Variants in WWOX observed in about 807,000 individuals in gnomAD.
WWOX encodes WW domain-containing oxidoreductase.
Under a neutral mutation model 46.2 loss-of-function variants are expected in WWOX, and 69 were observed. The observed-to-expected ratio is 1.49, with a 90% CI of 1.23 to 1.82. WWOX has a LOEUF of 1.82. Ranked by LOEUF, WWOX falls within the 40% of genes most tolerant of loss-of-function variation. The pLI, the probability that WWOX is intolerant of heterozygous loss-of-function variation, is 0.00. For missense variants in WWOX, 919 were observed against 542.6 expected, an observed-to-expected ratio of 1.69 and a Z score of -6.89; for synonymous variants, 359 against 202.6, an observed-to-expected ratio of 1.77 and a Z score of -6.56.
intron 8 of WWOX, among the ~76,000 whole-genome samples, chr16:78,702,547 C>T (rs974016895): frequency 2.7e-5 from 4 of 150,452 alleles, no homozygotes; most frequent in Non-Finnish European, 4.4e-5. Context: ...AATGCTTGCT[C>T]GGGAGGCTGA....
In WWOX at chr16:78,114,878, T is replaced by A. The variant is rs530976091; in HGVS notation, c.231-98T>A. ...CAGGTTTAAGGAATAAGCATTTTGG[T>A]CTATGAAAAATGGGGTTTTCCTAAA... On this transcript the variant is annotated intron_variant, in intron 3 of 8. Transcript: ENST00000566780. The A allele has an allele frequency of 1.2e-4, 176 of 1,491,676 alleles. 1 individual carries two copies. In the African/African-American group the frequency reaches 2.2e-3, roughly 19 times the overall value. The allele number at this position is 1,491,676 out of a possible 1,614,324, so 92.4% of individuals were successfully genotyped here. A position where few individuals can be genotyped will look rare whatever the true frequency, so the allele number is the denominator to read the frequency against.
intron 8 of WWOX, among the ~76,000 whole-genome samples, chr16:78,575,957 TA>T (rs1439168214): frequency 6.6e-6 from 1 of 151,304 alleles, no homozygotes; most frequent in Non-Finnish European, 1.5e-5. Flanking sequence ...CCCTGTGGAG[TA>T]AAATGCAAAC....
intron 5 of WWOX, among the ~76,000 whole-genome samples, chr16:78,332,175 C>T (rs973322156): frequency 1.3e-5 from 2 of 152,108 alleles, no homozygotes; most frequent in East Asian, 1.9e-4. Flanking sequence ...TCTTTCCCCA[C>T]CCCAAGCCTT....
chr16:78,841,649 T>G (rs796960541), intron 8 of WWOX, among the ~76,000 whole-genome samples: 1 of 152,250 alleles, frequency 6.6e-6, no homozygotes, highest in African/African-American at 2.4e-5. Context: ...TTTTGTCTTA[T>G]GTTTCTTGAA....
At chr16:78,943,612 C>T (rs1247321543) in intron 8 of WWOX, among the ~76,000 whole-genome samples, 1 of 152,158 alleles carries the variant, frequency 6.6e-6, no homozygotes, top group African/African-American at 2.4e-5. Context: ...GCGATGGCTC[C>T]ACTCTGTGTG....
At chr16:78,600,336 G>T (rs1016703854) in intron 8 of WWOX, among the ~76,000 whole-genome samples, 1 of 152,066 alleles carries the variant, frequency 6.6e-6, no homozygotes, top group South Asian at 2.1e-4. Context: ...ACCAAGTAGA[G>T]ACTCAGCATA....
At chr16:79,181,932 C>T (rs140546540) in intron 8 of WWOX, among the ~76,000 whole-genome samples, 12 of 152,328 alleles carry the variant, frequency 7.9e-5, no homozygotes, top group African/African-American at 2.2e-4. Context: ...ATTTTACAAA[C>T]ATCATTCGTT....
rs1158340772 is a variant in WWOX at position 78,172,622 on chromosome 16, A to G, written c.516+8333A>G. 2.7e-5 allele frequency among the ~76,000 whole-genome samples: 4 copies of G among 148,580 alleles called. No individual in the cohort carries two copies. In the East Asian group the frequency reaches 7.9e-4, roughly 29 times the overall value. On this transcript the variant is annotated intron_variant, in intron 5 of 8. Coordinates refer to ENST00000566780, the MANE Select transcript of WWOX (RefSeq NM_016373.4). ...TTTTTTTTTCCTGGCCACCGCTCGCAGTCTTGAACCGAATCTTTCAAACTT... is the reference window on the plus strand; with the variant it reads ...TTTTTTTTTCCTGGCCACCGCTCGCGGTCTTGAACCGAATCTTTCAAACTT...
At chr16:78,427,304 C>G (rs1335550965) in intron 7 of WWOX, among the ~76,000 whole-genome samples, 3 of 152,210 alleles carry the variant, frequency 2.0e-5, no homozygotes, top group African/African-American at 7.2e-5. Flanking sequence ...TGTGTCTTCA[C>G]TGTGTTTTAG....
At chr16:79,095,808 CT>C (rs2049056006) in intron 8 of WWOX, among the ~76,000 whole-genome samples, 1 of 151,670 alleles carries the variant, frequency 6.6e-6, no homozygotes, top group Non-Finnish European at 1.5e-5. Flanking sequence ...TTGCATACTC[CT>C]CCAGGTTGCC....
rs1385370021 is a variant in WWOX at position 78,424,911 on chromosome 16, T to C, written c.647T>C (p.Leu216Pro). 1 of 1,614,074 alleles carries C rather than the reference T, an allele frequency of 6.2e-7. No individual in the cohort carries two copies. Among genetic ancestry groups the C allele is most frequent in the African/African-American group, 1.3e-5 (1 of 74,928 alleles). ...VLVCNAATFA[L>P]PWSLTKDGLE... ...GTGTGCAACGCAGCAACTTTTGCTC[T>C]ACCCTGGAGTCTCACCAAAGATGGC... is the stretch of plus-strand genomic sequence containing the variant. The change falls in exon 7 of 9, where the codon CTA becomes CCA. Residue 216 changes from leucine to proline, a missense_variant. Physicochemically the swap from Leu to Pro is moderately conservative, Grantham distance 98. Transcript: ENST00000566780.
At chr16:78,740,978 C>T (rs1245889719) in intron 8 of WWOX, among the ~76,000 whole-genome samples, 1 of 152,160 alleles carries the variant, frequency 6.6e-6, no homozygotes, top group African/African-American at 2.4e-5. Flanking sequence ...ACAAGCCCTT[C>T]TCTTACAGGC....
chr16:78,844,707 G>A (rs1325399898), intron 8 of WWOX, among the ~76,000 whole-genome samples: 2 of 152,184 alleles, frequency 1.3e-5, no homozygotes, highest in East Asian at 3.8e-4. Context: ...AGACTTTTAA[G>A]CTGGGCAACT....
chr16:78,815,473 C>G (rs761546898), intron 8 of WWOX, among the ~76,000 whole-genome samples: 1 of 152,164 alleles, frequency 6.6e-6, no homozygotes, highest in Admixed American at 6.5e-5. Context: ...CTTTACTAAA[C>G]ACTTCTTACG....
chr16:78,314,701 G>GTTTTTTTTGT (rs2080322682), intron 5 of WWOX, among the ~76,000 whole-genome samples: 1 of 61,312 alleles, frequency 1.6e-5, no homozygotes, highest in African/African-American at 7.5e-5. Flanking sequence ...TTTTTTTTTT[G>GTTTTTTTTGT]TTTTTTTTTT....
At chr16:78,607,177 C>G (rs74029588) in intron 8 of WWOX, among the ~76,000 whole-genome samples, 4 of 151,962 alleles carry the variant, frequency 2.6e-5, no homozygotes, top group Admixed American at 1.3e-4. Context: ...ACAATAAATA[C>G]ACAGTTAATA....
intron 8 of WWOX, among the ~76,000 whole-genome samples, chr16:79,015,257 A>G (rs1438212333): frequency 1.3e-5 from 2 of 152,164 alleles, no homozygotes; most frequent in African/African-American, 4.8e-5. Context: ...GCTAAGGGGA[A>G]AAAGCGAGAC....
In WWOX at chr16:78,474,583, T is replaced by C. The variant is rs539626946; in HGVS notation, c.1056+41831T>C. 1.6e-3 allele frequency among the ~76,000 whole-genome samples: 247 copies of C among 152,354 alleles called. 1 individual carries two copies. Among genetic ancestry groups the C allele is most frequent in the Admixed American group, 0.01 (154 of 15,306 alleles). On this transcript the variant is annotated intron_variant, in intron 8 of 8. Coordinates refer to ENST00000566780, the MANE Select transcript of WWOX (RefSeq NM_016373.4). ...CACTTTATTTTTTATAACAGCTTTA[T>C]TGAGAGATAATTTACATGCTATACA...
At chr16:78,144,443 A>ACACG (rs1420450987) in intron 4 of WWOX, among the ~76,000 whole-genome samples, 2 of 19,356 alleles carry the variant, frequency 1.0e-4, no homozygotes, top group African/African-American at 5.5e-4. Context: ...ATATATATAT[A>ACACG]TATACACATA....
Sources: gnomAD v4.1 joint callset for allele counts (sites outside exome capture counted in the v4.1 genomes callset) on GRCh38, gnomAD v4.1.1 for gene constraint, MANE v1.5 for transcripts, NCBI Gene and HGNC (gene_info 2026-07-23, HGNC 2026-07-21) for gene names.